UNC13B: variants seen among roughly 807,000 people sequenced by gnomAD.
The protein encoded by UNC13B is unc-13 homolog B, also known as protein unc-13 homolog B.
A neutral mutation model predicts 211.0 loss-of-function variants in UNC13B; 144 were observed. The observed-to-expected ratio is 0.68, with a 90% CI of 0.60 to 0.78. The LOEUF (loss-of-function observed/expected upper bound fraction) is 0.78, where lower values mean the gene tolerates loss of function less well. UNC13B is among the 30% of genes least tolerant of loss of function. The pLI, the probability that UNC13B is intolerant of heterozygous loss-of-function variation, is 0.00. For missense variants in UNC13B, 1,777 were observed against 2,002.0 expected, an observed-to-expected ratio of 0.89 and a Z score of 2.14; for synonymous variants, 709 against 725.8, an observed-to-expected ratio of 0.98 and a Z score of 0.37.
intron 7 of UNC13B, among the ~76,000 whole-genome samples, chr9:35,274,739 G>A (rs1366779098): frequency 6.6e-6 from 1 of 152,136 alleles, no homozygotes; most frequent in Non-Finnish European, 1.5e-5. Flanking sequence ...TCCACTTCTT[G>A]AAGCCATAAT....
intron 17 of UNC13B, among the ~76,000 whole-genome samples, chr9:35,380,236 G>T (rs1834729215): frequency 6.6e-6 from 1 of 152,094 alleles, no homozygotes; most frequent in Non-Finnish European, 1.5e-5. Context: ...CTTGCCCTTT[G>T]TTCTAGGACA....
Position 35,250,083 on chromosome 9 carries a change from T to A in UNC13B, c.468+6719T>A, listed in dbSNP as rs372789133. ...AACTCCAAATCAGATTTTTGCCTTC[T>A]GTTTTTATTCTAGGGTATGGCATTC... On this transcript the variant is annotated intron_variant, in intron 6 of 39. Coordinates refer to ENST00000635942, the MANE Select transcript of UNC13B (RefSeq NM_001371189.2). Among the ~76,000 whole-genome samples, 23 of 152,324 alleles carry A rather than the reference T, an allele frequency of 1.5e-4. No homozygotes were observed. In the South Asian group the frequency reaches 4.8e-3, roughly 32 times the overall value.
At chr9:35,240,782 A>G (rs1825761910) in intron 5 of UNC13B, among the ~76,000 whole-genome samples, 1 of 152,092 alleles carries the variant, frequency 6.6e-6, no homozygotes, top group African/African-American at 2.4e-5. Context: ...AGGGCCTGGC[A>G]TGGTGGCTCA....
intron 1 of UNC13B, among the ~76,000 whole-genome samples, chr9:35,165,387 C>A (rs1169235981): frequency 6.6e-6 from 1 of 150,832 alleles, no homozygotes; most frequent in Admixed American, 6.6e-5. Flanking sequence ...GGATATTGAC[C>A]ATTCAGCGGG....
rs989609030 is a variant in UNC13B, at chr9:35,250,950, A to G, written c.468+7586A>G. 1.5e-4 allele frequency among the ~76,000 whole-genome samples: 19 copies of G among 126,650 alleles called. No individual in the cohort carries two copies. The East Asian group carries it at 4.4e-3, about 29-fold the overall frequency. 83.1% of individuals were successfully genotyped at this position (126,650 alleles called of 152,430 possible). A position where few individuals can be genotyped will look rare whatever the true frequency, so the allele number is the denominator to read the frequency against. On this transcript the variant is annotated intron_variant, in intron 6 of 39. Transcript: ENST00000635942. ...TTGAAGCATGAAAAAATGTAGAGTT[A>G]CTCTTCCTTTTTTTTTTTTTTTTTT...
intron 11 of UNC13B, chr9:35,352,822 A>C: frequency 1.1e-5 from 13 of 1,232,206 alleles, no homozygotes; most frequent in Non-Finnish European, 1.3e-5. Flanking sequence ...CCCTAGTATT[A>C]ATCTCAAAAG....
intron 15 of UNC13B, among the ~76,000 whole-genome samples, 186 bp downstream of exon 15, chr9:35,376,433 T>TA (rs1187368583): frequency 2.0e-5 from 3 of 152,248 alleles, no homozygotes; most frequent in Admixed American, 1.3e-4. Flanking sequence ...TAACAGGTCT[T>TA]ACACTACCTT....
chr9:35,184,930 T>C (rs1822276777), intron 1 of UNC13B, among the ~76,000 whole-genome samples: 1 of 152,088 alleles, frequency 6.6e-6, no homozygotes, highest in Non-Finnish European at 1.5e-5. Context: ...TGTTCTTACA[T>C]TGTTTTATAA....
rs978285424 is a variant in UNC13B at position 35,162,129 on chromosome 9, C to G, written c.-155C>G. On this transcript the variant is annotated 5_prime_UTR_variant, in exon 1 of 40. Coordinates refer to ENST00000635942, the MANE Select transcript of UNC13B (RefSeq NM_001371189.2). ...CAGACGGTGAGATTTGGGGCGGGTC[C>G]GAGGCAGCGGCGGGACGCTACCTGC... is the stretch of plus-strand genomic sequence containing the variant. 2.5e-6 allele frequency: 3 copies of G among 1,179,494 alleles called. No individual in the cohort carries two copies. The highest frequency in any genetic ancestry group is 3.6e-6 in the Non-Finnish European group (3 of 833,104). The allele number at this position is 1,179,494 out of a possible 1,614,324, so 73.1% of individuals were successfully genotyped here. A position where few individuals can be genotyped will look rare whatever the true frequency, so the allele number is the denominator to read the frequency against.
chr9:35,377,784 G>T (rs958784925), intron 16 of UNC13B, 89 bp downstream of exon 16: 2 of 1,299,680 alleles, frequency 1.5e-6, no homozygotes, highest in African/African-American at 1.5e-5. Flanking sequence ...AGGGAGCAAG[G>T]GATTAGGGAG....
At chr9:35,205,483 A>C (rs1823591270) in intron 1 of UNC13B, among the ~76,000 whole-genome samples, 1 of 152,196 alleles carries the variant, frequency 6.6e-6, no homozygotes, top group Admixed American at 6.5e-5. Context: ...TAAATTTTAG[A>C]ATATTATTAT....
chr9:35,318,236 G>A (rs1054481132), intron 11 of UNC13B, among the ~76,000 whole-genome samples: 39 of 152,166 alleles, frequency 2.6e-4, no homozygotes, highest in African/African-American at 8.7e-4. Context: ...TCCAAGAGGA[G>A]AACAAGAAGC....
chr9:35,343,952 A>G (rs1288856136), intron 11 of UNC13B, among the ~76,000 whole-genome samples: 1 of 152,164 alleles, frequency 6.6e-6, no homozygotes, highest in Non-Finnish European at 1.5e-5. Context: ...CTATTGGGTT[A>G]GATAAAATAT....
chr9:35,399,049 C>T lies in UNC13B; in HGVS notation c.12074+15C>T, dbSNP rs556934474. ...CTGGATGGCAAGTGAGTACAGCATTCAGGACTATCCTGTGGGGATGAGCAA... is the reference window on the plus strand; with the variant it reads ...CTGGATGGCAAGTGAGTACAGCATTTAGGACTATCCTGTGGGGATGAGCAA... On this transcript the variant is annotated intron_variant, in intron 33 of 39. Coordinates refer to ENST00000635942, the MANE Select transcript of UNC13B (RefSeq NM_001371189.2). 1 of 1,613,484 alleles carries T rather than the reference C, an allele frequency of 6.2e-7. No homozygotes were observed. The highest frequency in any genetic ancestry group is 2.2e-5 in the East Asian group (1 of 44,862).
intron 1 of UNC13B, among the ~76,000 whole-genome samples, chr9:35,199,092 G>A (rs1823114981): frequency 6.6e-6 from 1 of 152,122 alleles, no homozygotes; most frequent in Non-Finnish European, 1.5e-5. Context: ...AACATGCGGT[G>A]TTTGGTTTTC....
chr9:35,203,564 G>A (rs960656920), intron 1 of UNC13B, among the ~76,000 whole-genome samples: 5 of 152,142 alleles, frequency 3.3e-5, no homozygotes, highest in African/African-American at 7.2e-5. Flanking sequence ...AGGGTAACCC[G>A]ACCTTTCTCT....
At chr9:35,322,219 G>A (rs867521082) in intron 11 of UNC13B, among the ~76,000 whole-genome samples, 1 of 152,184 alleles carries the variant, frequency 6.6e-6, no homozygotes, top group Non-Finnish European at 1.5e-5. Flanking sequence ...TGCTATTGCT[G>A]ATGAGGCAGT....
Position 35,380,928 on chromosome 9 carries a change from T to C in UNC13B, c.10376-172T>C, listed in dbSNP as rs562978098. The stretch of plus-strand genomic sequence containing the variant: ...TTCTCCTACCCAGCTAGTTCAAGGG[T>C]ACTTGTGGAATATGTGGTCACTGGA... On this transcript the variant is annotated intron_variant, in intron 18 of 39. Coordinates refer to ENST00000635942, the MANE Select transcript of UNC13B (RefSeq NM_001371189.2). Among the ~76,000 whole-genome samples, 4 of 152,306 alleles carry C rather than the reference T, an allele frequency of 2.6e-5. No individual in the cohort carries two copies. The South Asian group carries it at 8.3e-4, about 32-fold the overall frequency.
rs754109626 is a variant in UNC13B at position 35,295,728 on chromosome 9, C to A, written c.559C>A (p.Arg187=). 1.9e-6 allele frequency: 3 copies of A among 1,614,074 alleles called. No homozygotes were observed. The highest frequency in any genetic ancestry group is 3.3e-4 in the Middle Eastern group (2 of 6,062). Residue 187 remains arginine (R), a synonymous_variant, in exon 8 of 40, where the codon CGA becomes AGA. Coordinates refer to ENST00000635942, the MANE Select transcript of UNC13B (RefSeq NM_001371189.2). ...FEDPDSAVDD[R]DSDYRSETSN... is the part of the protein sequence containing the mutation. ...AGACCCTGATAGTGCCGTCGATGAC[C>A]GAGATAGTGACTATCGCAGTGAGAC...
Sources: gnomAD v4.1 joint callset for allele counts (sites outside exome capture counted in the v4.1 genomes callset) on GRCh38, gnomAD v4.1.1 for gene constraint, MANE v1.5 for transcripts, NCBI Gene and HGNC (gene_info 2026-07-23, HGNC 2026-07-21) for gene names.